The following CSMD1 variants were observed in gnomAD, a reference collection of about 807,000 sequenced individuals.
The protein encoded by CSMD1 is CUB and sushi domain-containing protein 1.
CSMD1 carries 213 observed loss-of-function variants against 417.5 expected under a neutral mutation model. The observed-to-expected ratio is 0.51, with a 90% CI of 0.46 to 0.57. The LOEUF is 0.57. Among genes scored for constraint, CSMD1 ranks in the 20% least tolerant of loss-of-function variants. CSMD1 has a pLI of 0.00. For synonymous variants in CSMD1, 2,862 were observed against 1,736.8 expected, an observed-to-expected ratio of 1.65 and a Z score of -16.11; for missense variants, 6,923 against 4,529.7, an observed-to-expected ratio of 1.53 and a Z score of -15.17.
intron 69 of CSMD1, among the ~76,000 whole-genome samples, chr8:2,940,388 A>T (rs907337304): frequency 9.9e-5 from 15 of 152,160 alleles, no homozygotes; most frequent in African/African-American, 3.6e-4. Context: ...TTCATATTCA[A>T]CATGCAGGGC....
At chr8:4,849,343 G>A (rs1365313832) in intron 1 of CSMD1, among the ~76,000 whole-genome samples, 1 of 151,904 alleles carries the variant, frequency 6.6e-6, no homozygotes, top group Non-Finnish European at 1.5e-5. Context: ...GTAATAAGGT[G>A]AAGTTAATTT....
intron 10 of CSMD1, among the ~76,000 whole-genome samples, chr8:3,566,692 G>A (rs181868328): frequency 3.1e-4 from 47 of 152,230 alleles, no homozygotes; most frequent in Non-Finnish European, 6.5e-4. Flanking sequence ...CAACATCACT[G>A]ATCATTAGAG....
chr8:4,135,247 T>C (rs1803348519), intron 3 of CSMD1, among the ~76,000 whole-genome samples: 1 of 151,778 alleles, frequency 6.6e-6, no homozygotes, highest in South Asian at 2.1e-4. Flanking sequence ...ATATATTTAT[T>C]CATGTCTAAT....
chr8:3,265,398 G>T (rs925784552), intron 26 of CSMD1, among the ~76,000 whole-genome samples: 15 of 152,110 alleles, frequency 9.9e-5, no homozygotes, highest in Non-Finnish European at 4.4e-5. Flanking sequence ...TCTTGTGAAG[G>T]GGGGAGTGTA....
intron 6 of CSMD1, among the ~76,000 whole-genome samples, chr8:3,739,378 T>C (rs1007627473): frequency 1.3e-5 from 2 of 152,210 alleles, no homozygotes; most frequent in African/African-American, 2.4e-5. Context: ...TATTACACGT[T>C]TACAAATAGT....
rs35120987 is a variant in CSMD1, at chr8:3,207,151, C to CT, written c.4868-1532dup. ...CATTTTCTTTTTTTTTTTTCATTTT[C>CT]TTTTTTTTTTTTTGAGATGGTGTCT... On this transcript the variant is annotated intron_variant, in intron 30 of 69. Coordinates refer to ENST00000635120, the MANE Select transcript of CSMD1 (RefSeq NM_033225.6). Among the ~76,000 whole-genome samples, 64 of 95,304 alleles carry CT rather than the reference C, an allele frequency of 6.7e-4. No homozygotes were observed. The South Asian group carries it at 8.5e-3, about 13-fold the overall frequency. 62.5% of individuals were successfully genotyped at this position (95,304 alleles called of 152,430 possible).
At chr8:4,720,098 C>G (rs367787358) in intron 1 of CSMD1, among the ~76,000 whole-genome samples, 1 of 151,666 alleles carries the variant, frequency 6.6e-6, no homozygotes, top group Non-Finnish European at 1.5e-5. Flanking sequence ...ATGTAAAATA[C>G]CACCTCTTAA....
chr8:4,310,786 A>C (rs1234312335), intron 3 of CSMD1, among the ~76,000 whole-genome samples: 2 of 152,234 alleles, frequency 1.3e-5, no homozygotes, highest in African/African-American at 4.8e-5. Context: ...GCCTTACCAA[A>C]GGAAGAAATT....
At chr8:3,535,779 T>C (rs74526918) in intron 10 of CSMD1, among the ~76,000 whole-genome samples, 1 of 152,292 alleles carries the variant, frequency 6.6e-6, no homozygotes, top group East Asian at 1.9e-4. Context: ...CCTTCCCACA[T>C]GCTTTGAAAA....
chr8:4,573,373 G>C (rs1798979136), intron 2 of CSMD1, among the ~76,000 whole-genome samples: 1 of 152,078 alleles, frequency 6.6e-6, no homozygotes, highest in Non-Finnish European at 1.5e-5. Context: ...CTAACAGTCA[G>C]GCCCCTCTTC....
rs1408448718 is a variant in CSMD1, at chr8:4,266,325, A to G, written c.415+153628T>C. Among the ~76,000 whole-genome samples, 2 of 105,424 alleles carry G rather than the reference A, an allele frequency of 1.9e-5. 1 individual carries two copies. Among genetic ancestry groups the G allele is most frequent in the Non-Finnish European group, 5.1e-5 (2 of 39,202 alleles). 69.2% of individuals were successfully genotyped at this position (105,424 alleles called of 152,430 possible). A position where few individuals can be genotyped will look rare whatever the true frequency, so the allele number is the denominator to read the frequency against. On this transcript the variant is annotated intron_variant, in intron 3 of 69. Coordinates refer to ENST00000635120, the MANE Select transcript of CSMD1 (RefSeq NM_033225.6). Reference sequence around the variant, plus strand: ...GAGAAACTGTCCAGGTCTTAGAAACAGTTGATTTTGGAGAAAAACAAACAC... The same window carrying G: ...GAGAAACTGTCCAGGTCTTAGAAACGGTTGATTTTGGAGAAAAACAAACAC...
chr8:4,319,368 T>C (rs1799127164), intron 3 of CSMD1, among the ~76,000 whole-genome samples: 1 of 152,148 alleles, frequency 6.6e-6, no homozygotes, highest in African/African-American at 2.4e-5. Context: ...GCTGAATGTT[T>C]CTTTGAAATA....
chr8:3,213,916 G>A (rs1318821441), intron 30 of CSMD1, among the ~76,000 whole-genome samples: 3 of 151,648 alleles, frequency 2.0e-5, no homozygotes, highest in Non-Finnish European at 2.9e-5. Context: ...GGAGTGCAGT[G>A]GCACAATCTC....
At chr8:4,805,922 C>T (rs530415894) in intron 1 of CSMD1, among the ~76,000 whole-genome samples, 7 of 152,084 alleles carry the variant, frequency 4.6e-5, no homozygotes, top group Non-Finnish European at 1.0e-4. Flanking sequence ...GCTTGTGGAC[C>T]TCAGAGCAGT....
rs369302645 is a variant in CSMD1, at chr8:3,614,062, T to G, written c.1097+2648A>C. On this transcript the variant is annotated intron_variant, in intron 8 of 69. Transcript: ENST00000635120. ...CTACTATATAACTAGCTTGTCTCTG[T>G]TATGTATATATTCGTATACACATAC... Among the ~76,000 whole-genome samples the G allele has an allele frequency of 2.0e-4, 30 of 152,278 alleles. No homozygotes were observed. In the South Asian group the frequency reaches 6.2e-3, roughly 32 times the overall value.
chr8:3,821,119 T>G (rs371372689), intron 5 of CSMD1, among the ~76,000 whole-genome samples: 2 of 152,192 alleles, frequency 1.3e-5, no homozygotes, highest in African/African-American at 2.4e-5. Context: ...AGTTTCACCA[T>G]GTAAGCCAGG....
chr8:3,855,936 G>C (rs1804275950), intron 5 of CSMD1, among the ~76,000 whole-genome samples: 1 of 152,050 alleles, frequency 6.6e-6, no homozygotes, highest in South Asian at 2.1e-4. Context: ...GATAAATATT[G>C]AATCCCAGAA....
chr8:4,701,450 A>C (rs1376298572), intron 1 of CSMD1, among the ~76,000 whole-genome samples: 1 of 151,534 alleles, frequency 6.6e-6, no homozygotes, highest in African/African-American at 2.4e-5. Flanking sequence ...TCTGATGGGG[A>C]GGGGCCATGC....
intron 5 of CSMD1, among the ~76,000 whole-genome samples, chr8:3,974,938 C>G (rs538495073): frequency 6.6e-6 from 1 of 152,012 alleles, no homozygotes; most frequent in Non-Finnish European, 1.5e-5. Flanking sequence ...TTACTTCGAA[C>G]AAATCAAAAC....
Sources: allele counts gnomAD v4.1 joint callset (sites outside exome capture counted in the v4.1 genomes callset), GRCh38; gene constraint gnomAD v4.1.1; transcripts MANE v1.5; gene names NCBI Gene and HGNC (gene_info 2026-07-23, HGNC 2026-07-21).